The following CELF2 variants were observed in gnomAD, a reference collection of about 807,000 sequenced individuals.
CELF2 encodes the protein CUGBP Elav-like family member 2, also known as CUG triplet repeat RNA-binding protein 2.
A neutral mutation model predicts 62.6 loss-of-function variants in CELF2; 8 were observed. The ratio of observed to expected loss-of-function variants is 0.13; its 90% confidence interval spans 0.07 to 0.23. The LOEUF is 0.23. Ranked by LOEUF, CELF2 falls within the 10% of genes least tolerant of loss-of-function variation. The probability of loss-of-function intolerance (pLI) is 1.00; values close to 1 mark genes in which losing one functional copy is unlikely to be tolerated. For missense variants in CELF2, 333 were observed against 671.0 expected, an observed-to-expected ratio of 0.50 and a Z score of 5.56; for synonymous variants, 258 against 250.0, an observed-to-expected ratio of 1.03 and a Z score of -0.30.
chr10:10,481,720 T>A, the CELF2 span, among the ~76,000 whole-genome samples: 1 of 152,240 alleles, frequency 6.6e-6, no homozygotes, highest in African/African-American at 2.4e-5. Flanking sequence ...TTCTTTGTCT[T>A]CAGATCTCGA....
At chr10:10,742,399 T>C in the CELF2 span, among the ~76,000 whole-genome samples, 153 of 152,086 alleles carry the variant, frequency 1.0e-3, 1 homozygote, top group Non-Finnish European at 2.0e-3. Flanking sequence ...GATGCTTAGG[T>C]GGACAGACTG....
chr10:10,741,975 T>C, the CELF2 span, among the ~76,000 whole-genome samples: 1 of 152,328 alleles, frequency 6.6e-6, no homozygotes, highest in East Asian at 1.9e-4. Flanking sequence ...TAAGAGATGT[T>C]CCTTCTCCCT....
the CELF2 span, among the ~76,000 whole-genome samples, chr10:10,760,292 T>A: frequency 6.6e-6 from 1 of 152,142 alleles, no homozygotes; most frequent in East Asian, 1.9e-4. Context: ...TCCCCCTCTT[T>A]ATCCTGAGAA....
rs75698468 is a variant in CELF2, at chr10:11,237,201, T to C, written c.355-11952T>C. On this transcript the variant is annotated intron_variant, in intron 3 of 12. Transcript: ENST00000633077. The surrounding 1 kb of genome is among the most constrained non-coding windows in gnomAD (Gnocchi z 4.0). Reference sequence around the variant, plus strand: ...AAAGTCTATGAGAAGGAAAAGAAATTAGGAGAGAGAGAGAGAGCTAAACTG... The same window carrying C: ...AAAGTCTATGAGAAGGAAAAGAAATCAGGAGAGAGAGAGAGAGCTAAACTG... Among the ~76,000 whole-genome samples the C allele has an allele frequency of 5.3e-5, 8 of 151,764 alleles. No homozygotes were observed. Among genetic ancestry groups the C allele is most frequent in the African/African-American group, 1.9e-4 (8 of 41,336 alleles).
At position 11,242,955 on chromosome 10, in the gene CELF2, C is replaced by G. The variant is rs2074422587; in HGVS notation, c.355-6198C>G. On this transcript the variant is annotated intron_variant, in intron 3 of 12. Transcript: ENST00000633077. The surrounding 1 kb of genome is among the most constrained non-coding windows in gnomAD (Gnocchi z 4.8). ...GCGCCGGTGGCAACTGGTGCTGGGT[C>G]AGAACCAAACCACTGCGTGCTGTCG... is the stretch of plus-strand genomic sequence containing the variant. Among the ~76,000 whole-genome samples, 1 of 152,148 alleles carries G rather than the reference C, an allele frequency of 6.6e-6. No homozygotes were observed. Among genetic ancestry groups the G allele is most frequent in the South Asian group, 2.1e-4 (1 of 4,828 alleles).
the CELF2 span, among the ~76,000 whole-genome samples, chr10:10,604,217 CAAAA>C: frequency 2.6e-5 from 4 of 151,866 alleles, no homozygotes; most frequent in Non-Finnish European, 4.4e-5. Flanking sequence ...CAGACACAAA[CAAAA>C]AAAGATTTAC....
intron 2 of CELF2, chr10:10,948,517 A>G (rs1244983037): frequency 6.6e-6 from 1 of 152,102 alleles, no homozygotes; most frequent in Non-Finnish European, 1.5e-5. Context: ...CTGCTATTTG[A>G]TCAAGCTTTA....
chr10:11,024,461 C>A (rs535968900), intron 1 of CELF2, among the ~76,000 whole-genome samples: 2 of 152,000 alleles, frequency 1.3e-5, no homozygotes, highest in African/African-American at 2.4e-5. Context: ...ATTAGTTCGC[C>A]GTGGTTTCGC....
rs890715156 is a variant in CELF2, at chr10:10,893,320, T to C, written c.54-26644T>C. On this transcript the variant is annotated intron_variant, in intron 1 of 13. Transcript: ENST00000636488. ...CTTAATTATTTGAGCCCTAAGATTA[T>C]GGAAGTGCCATGATACATGAGGCTT... Among the ~76,000 whole-genome samples, 10 of 152,298 alleles carry C rather than the reference T, an allele frequency of 6.6e-5. No homozygotes were observed. The East Asian group carries it at 1.7e-3, about 26-fold the overall frequency.
intron 1 of CELF2, among the ~76,000 whole-genome samples, chr10:11,107,438 G>A (rs1206186329): frequency 6.6e-6 from 1 of 152,142 alleles, no homozygotes; most frequent in Non-Finnish European, 1.5e-5. Context: ...AGTGCGGTCT[G>A]TAGAGTTTGG....
At chr10:11,166,463 T>TA (rs1199601573) in intron 2 of CELF2, among the ~76,000 whole-genome samples, 1 of 152,196 alleles carries the variant, frequency 6.6e-6, no homozygotes, top group Non-Finnish European at 1.5e-5. Context: ...CCTGGAGTCT[T>TA]ACTTTGTAAG....
the CELF2 span, among the ~76,000 whole-genome samples, chr10:10,735,000 A>T: frequency 1.3e-5 from 2 of 152,330 alleles, no homozygotes; most frequent in East Asian, 3.9e-4. Context: ...CTCTAGTTCC[A>T]AACCTTTTCC....
chr10:11,202,949 C>CTG (rs1565273296), intron 2 of CELF2, among the ~76,000 whole-genome samples: 21 of 44,300 alleles, frequency 4.7e-4, no homozygotes, highest in Non-Finnish European at 9.8e-4. Context: ...CTCTCTCTCT[C>CTG]TCTGTGTGTG....
chr10:10,642,780 C>T, the CELF2 span, among the ~76,000 whole-genome samples: 1 of 152,220 alleles, frequency 6.6e-6, no homozygotes, highest in Non-Finnish European at 1.5e-5. Context: ...TTCTTTTTCC[C>T]AATGGATCTG....
At chr10:11,206,264 G>C (rs904957333) in intron 2 of CELF2, among the ~76,000 whole-genome samples, 2 of 152,162 alleles carry the variant, frequency 1.3e-5, no homozygotes, top group Non-Finnish European at 2.9e-5. Context: ...TGGCCTGGAA[G>C]CATCTAATAG....
intron 8 of CELF2, among the ~76,000 whole-genome samples, chr10:11,288,089 T>C (rs11257048): frequency 0.6 from 91,336 of 152,152 alleles, 29,411 homozygotes; most frequent in Non-Finnish European, 0.73. Flanking sequence ...TTTCCACTTA[T>C]CTCTACAGCA....
At position 11,324,214 on chromosome 10, in the gene CELF2, G is replaced by C. The variant is rs183608878; in HGVS notation, c.1295-1622G>C. Reference sequence around the variant, plus strand: ...TGCATTGAAACTGTATTTTCTCCCCGGCTTCAGGAGGTGAGATGTACTTCA... The same window carrying C: ...TGCATTGAAACTGTATTTTCTCCCCCGCTTCAGGAGGTGAGATGTACTTCA... On this transcript the variant is annotated intron_variant, in intron 11 of 12. Coordinates refer to ENST00000633077, the MANE Select transcript of CELF2 (RefSeq NM_001326342.2). The surrounding 1 kb of genome is among the most constrained non-coding windows in gnomAD (Gnocchi z 4.7). 6.6e-6 allele frequency among the ~76,000 whole-genome samples: 1 copy of C among 152,156 alleles called. No homozygotes were observed. The highest frequency in any genetic ancestry group is 1.5e-5 in the Non-Finnish European group (1 of 68,018).
At chr10:10,956,721 G>A (rs1207334627) in intron 2 of CELF2, among the ~76,000 whole-genome samples, 1 of 152,012 alleles carries the variant, frequency 6.6e-6, no homozygotes, top group Non-Finnish European at 1.5e-5. Flanking sequence ...GAAGCCAGGA[G>A]TTCAAAACCA....
At chr10:10,631,666 G>A in the CELF2 span, among the ~76,000 whole-genome samples, 1 of 152,212 alleles carries the variant, frequency 6.6e-6, no homozygotes, top group Non-Finnish European at 1.5e-5. Flanking sequence ...ACCATCCACT[G>A]GACGTTTTCT....
Sources: allele counts gnomAD v4.1 joint callset (sites outside exome capture counted in the v4.1 genomes callset), GRCh38; gene constraint gnomAD v4.1.1; non-coding constraint Gnocchi (gnomAD v3.1); transcripts MANE v1.5; gene names NCBI Gene and HGNC (gene_info 2026-07-23, HGNC 2026-07-21).